ROCK1: variants seen among roughly 807,000 people sequenced by gnomAD.
ROCK1 encodes the protein rho-associated protein kinase 1.
Under a neutral mutation model 196.8 loss-of-function variants are expected in ROCK1, and 36 were observed. That is an observed-to-expected ratio of 0.18 (90% CI 0.14 to 0.24). ROCK1 has a LOEUF of 0.24. ROCK1 is among the 10% of genes least tolerant of loss of function. ROCK1 has a pLI of 1.00. For missense variants in ROCK1, 920 were observed against 1,562.0 expected (o/e 0.59, Z 6.93); for synonymous variants, 443 against 515.9 (o/e 0.86, Z 1.91).
chr18:21,018,196 C>A (rs1269492727), intron 12 of ROCK1, among the ~76,000 whole-genome samples: 1 of 151,842 alleles, frequency 6.6e-6, no homozygotes, highest in East Asian at 1.9e-4. Flanking sequence ...CCCTACTCAC[C>A]ATTACTACCA....
At chr18:21,045,716 T>C (rs766013811) in intron 4 of ROCK1, among the ~76,000 whole-genome samples, 3 of 152,152 alleles carry the variant, frequency 2.0e-5, no homozygotes, top group Admixed American at 1.3e-4. Flanking sequence ...TCTACACTAT[T>C]TGAATTTCTT....
intron 1 of ROCK1, among the ~76,000 whole-genome samples, chr18:21,085,066 G>A (rs1411706777): frequency 6.6e-6 from 1 of 152,152 alleles, no homozygotes; most frequent in African/African-American, 2.4e-5. Flanking sequence ...GAAACAGAAA[G>A]TAGAATGGAG....
chr18:21,070,565 T>A lies in ROCK1; in HGVS notation c.142A>T (p.Lys48Ter). Reference sequence around the variant, plus strand: ...AAAAAGTTGTCAATATTTTTGTTTTTTCTTAAGGCAGGAAAATCCAAATCA... The same window carrying A: ...AAAAAGTTGTCAATATTTTTGTTTTATCTTAAGGCAGGAAAATCCAAATCA... ...VYDLDFPALR[K>*]NKNIDNFLSR... is the part of the protein sequence containing the mutation. Residue 48 changes from lysine to a stop codon, truncating the protein, a stop_gained, in exon 2 of 33, where the codon AAA (lysine) becomes TAA (stop). Transcript: ENST00000399799. LOFTEE classifies it high-confidence loss of function. 6.2e-7 allele frequency: 1 copy of A among 1,605,484 alleles called. No individual in the cohort carries two copies. Among genetic ancestry groups the A allele is most frequent in the Non-Finnish European group, 8.5e-7 (1 of 1,174,828 alleles).
At position 20,984,445 on chromosome 18, in the gene ROCK1, T is replaced by C. The variant is rs1344919654; in HGVS notation, c.2395A>G (p.Asn799Asp). The C allele has an allele frequency of 1.2e-6, 2 of 1,613,206 alleles. No homozygotes were observed. Among genetic ancestry groups the C allele is most frequent in the Non-Finnish European group, 1.7e-6 (2 of 1,179,632 alleles). ...ATCTGCTTTTCTAAACCTTTTAAATTGTCTGCCTCAAATGCTTGAGTCTTC... is the reference window on the plus strand; with the variant it reads ...ATCTGCTTTTCTAAACCTTTTAAATCGTCTGCCTCAAATGCTTGAGTCTTC... Reference protein sequence around the residue: ...ELKTQAFEADNLKGLEKQMKQ... With the variant: ...ELKTQAFEADDLKGLEKQMKQ... The change falls in exon 20 of 33, where the codon AAT (asparagine) becomes GAT (aspartate). Residue 799 changes from asparagine to aspartate, a missense_variant. By Grantham distance (23) the Asn-to-Asp change is conservative (BLOSUM62 1). Around this residue, in one of 6 missense-constraint regions of ROCK1, gnomAD observed 520 missense variants for 657.1 expected, o/e 0.79. Transcript: ENST00000399799.
chr18:21,032,475 G>A (rs1438073309), intron 9 of ROCK1, among the ~76,000 whole-genome samples: 4 of 148,884 alleles, frequency 2.7e-5, no homozygotes, highest in African/African-American at 9.9e-5. Flanking sequence ...GAATAAAAAG[G>A]AAATATATGA....
intron 27 of ROCK1, 121 bp from the exon 28 acceptor site, chr18:20,960,327 A>G (rs2035315190): frequency 1.5e-6 from 1 of 649,982 alleles, no homozygotes; most frequent in Non-Finnish European, 2.7e-6. Flanking sequence ...AATAAGTGCT[A>G]TAATTTGCTC....
At chr18:21,096,204 T>TC (rs2036611424) in intron 1 of ROCK1, among the ~76,000 whole-genome samples, 1 of 144,484 alleles carries the variant, frequency 6.9e-6, no homozygotes, top group Admixed American at 6.9e-5. Flanking sequence ...TGTCTACGAA[T>TC]TTTTTTTTTT....
chr18:20,988,814 T>G (rs1202090486), intron 18 of ROCK1, among the ~76,000 whole-genome samples: 1 of 152,204 alleles, frequency 6.6e-6, no homozygotes, highest in Non-Finnish European at 1.5e-5. Context: ...CATTTATGTA[T>G]TATTATTTTT....
intron 16 of ROCK1, among the ~76,000 whole-genome samples, chr18:20,993,844 T>C (rs1409978556): frequency 1.3e-5 from 2 of 152,314 alleles, no homozygotes; most frequent in South Asian, 2.1e-4. Context: ...ACTTAATATA[T>C]TGTCTAGCTT....
Position 21,111,617 on chromosome 18 carries a change from G to A in ROCK1, c.-707C>T. 1 of 155,244 alleles carries A rather than the reference G, an allele frequency of 6.4e-6. No individual in the cohort carries two copies. The highest frequency in any genetic ancestry group is 1.4e-5 in the Non-Finnish European group (1 of 69,842). 9.6% of individuals were successfully genotyped at this position (155,244 alleles called of 1,614,324 possible). Reference sequence around the variant, plus strand: ...ATGGAGACTTAGCAGAGGAAAGGCTGGAGAGCGGGCGAAGAGGAAGACGAT... The same window carrying A: ...ATGGAGACTTAGCAGAGGAAAGGCTAGAGAGCGGGCGAAGAGGAAGACGAT... On this transcript the variant is annotated 5_prime_UTR_variant, in exon 1 of 33. Transcript: ENST00000399799. This position sits in a 1 kb window ranked among gnomAD's most constrained non-coding sequence, Gnocchi z 4.2.
intron 2 of ROCK1, among the ~76,000 whole-genome samples, chr18:21,053,517 TC>T (rs1456952188): frequency 6.6e-6 from 1 of 152,162 alleles, no homozygotes; most frequent in African/African-American, 2.4e-5. Context: ...ATAAAAATAA[TC>T]CATTCTCCAT....
chr18:21,110,904 T>C lies in ROCK1; in HGVS notation c.7A>G (p.Thr3Ala). 14 of 1,613,654 alleles carry C rather than the reference T, an allele frequency of 8.7e-6. No homozygotes were observed. Among genetic ancestry groups the C allele is most frequent in the Non-Finnish European group, 1.2e-5 (14 of 1,179,588 alleles). ...AATCGAGTCTCAAAACTGTCCCCAGTCGACATGTTGCTGCTGCTGTGACAA... is the reference window on the plus strand; with the variant it reads ...AATCGAGTCTCAAAACTGTCCCCAGCCGACATGTTGCTGCTGCTGTGACAA... MS[T>A]GDSFETRFEK... Residue 3 changes from threonine to alanine, a missense_variant, in exon 1 of 33, where the codon ACT becomes GCT. Coordinates refer to ENST00000399799, the MANE Select transcript of ROCK1 (RefSeq NM_005406.3).
At chr18:21,033,790 G>C (rs961652996) in intron 9 of ROCK1, among the ~76,000 whole-genome samples, 2 of 145,080 alleles carry the variant, frequency 1.4e-5, no homozygotes, top group Non-Finnish European at 3.0e-5. Context: ...AGGCGGAGGT[G>C]GGCAGATCAC....
chr18:20,977,462 C>T (rs749362010), intron 22 of ROCK1, among the ~76,000 whole-genome samples: 1 of 151,776 alleles, frequency 6.6e-6, no homozygotes, highest in Non-Finnish European at 1.5e-5. Flanking sequence ...TACTTTCCAT[C>T]GGTTGTGATC....
chr18:21,006,902 T>C, intron 14 of ROCK1, 112 bp from the exon 15 acceptor site: 1 of 693,238 alleles, frequency 1.4e-6, no homozygotes, highest in South Asian at 2.5e-5. Context: ...TCAGCTACAT[T>C]AGGTCCACTC....
At chr18:20,979,324 C>A (rs544270120) in intron 22 of ROCK1, among the ~76,000 whole-genome samples, 1 of 152,134 alleles carries the variant, frequency 6.6e-6, no homozygotes, top group South Asian at 2.1e-4. Flanking sequence ...ATAAATAGAT[C>A]TTTTAAAATT....
At chr18:20,984,990 T>A (rs2035565373) in intron 19 of ROCK1, among the ~76,000 whole-genome samples, 1 of 151,990 alleles carries the variant, frequency 6.6e-6, no homozygotes, top group Non-Finnish European at 1.5e-5. Context: ...GGTACACTCC[T>A]GTAGTCCCAG....
intron 1 of ROCK1, among the ~76,000 whole-genome samples, chr18:21,079,240 C>T (rs1430103889): frequency 6.6e-6 from 1 of 152,138 alleles, no homozygotes; most frequent in East Asian, 1.9e-4. Flanking sequence ...GTGAAGTTTT[C>T]ACCTCTTCCT....
chr18:20,990,980 A>ATGTGGTG (rs2035620206), intron 18 of ROCK1, among the ~76,000 whole-genome samples, 196 bp downstream of exon 18: 2 of 151,992 alleles, frequency 1.3e-5, no homozygotes, highest in Non-Finnish European at 2.9e-5. Context: ...GGCTGGTCTC[A>ATGTGGTG]AACTCCCGGC....
Sources: gnomAD v4.1 joint callset for allele counts (sites outside exome capture counted in the v4.1 genomes callset) on GRCh38, gnomAD v4.1.1 for gene constraint, gnomAD v4.1.1 regional missense constraint, Gnocchi (gnomAD v3.1) non-coding constraint, MANE v1.5 for transcripts, NCBI Gene and HGNC (gene_info 2026-07-23, HGNC 2026-07-21) for gene names.